FGF14: variants seen among roughly 807,000 people sequenced by gnomAD.
FGF14 encodes the protein fibroblast growth factor 14.
A neutral mutation model predicts 25.5 loss-of-function variants in FGF14; 5 were observed. That is an observed-to-expected ratio of 0.20 (90% CI 0.10 to 0.41). The LOEUF is 0.41. FGF14 is among the 10% of genes least tolerant of loss of function. The pLI is 1.00. For missense variants in FGF14, 222 were observed against 320.1 expected (o/e 0.69, Z 2.34); for synonymous variants, 138 against 118.3 (o/e 1.17, Z -1.08).
intron 1 of FGF14, among the ~76,000 whole-genome samples, chr13:101,970,376 T>C (rs2037519268): frequency 1.3e-5 from 2 of 152,380 alleles, no homozygotes; most frequent in South Asian, 4.1e-4. Context: ...TTTGAGATTC[T>C]CTTGTAATTT....
chr13:102,073,108 C>T (rs770402594), intron 1 of FGF14, among the ~76,000 whole-genome samples: 9 of 151,992 alleles, frequency 5.9e-5, no homozygotes, highest in Non-Finnish European at 1.0e-4. Context: ...AAAAATTAGC[C>T]GGGTGTGGTG....
chr13:102,123,171 A>T (rs2045805957), intron 1 of FGF14, among the ~76,000 whole-genome samples: 1 of 152,144 alleles, frequency 6.6e-6, no homozygotes, highest in African/African-American at 2.4e-5. Context: ...TACCAAAACC[A>T]AATCACAGAA....
intron 1 of FGF14, among the ~76,000 whole-genome samples, chr13:102,310,347 T>C (rs1049171765): frequency 2.6e-5 from 4 of 152,106 alleles, no homozygotes; most frequent in Non-Finnish European, 5.9e-5. Context: ...TTTGTTTGGA[T>C]CACCAACTAT....
chr13:102,150,059 T>C (rs1306497670), intron 1 of FGF14, among the ~76,000 whole-genome samples: 1 of 152,124 alleles, frequency 6.6e-6, no homozygotes, highest in Non-Finnish European at 1.5e-5. Context: ...GAGGGGAAAA[T>C]GCTACCCCAG....
rs1037943806 is a variant in FGF14, at chr13:101,950,756, T to G, written c.209-75460A>C. ...TAAACAGAAAACCTAATCATGTTTT[T>G]TTTTTTTTTTTTTTGTCTTTAAGGA... On this transcript the variant is annotated intron_variant, in intron 1 of 4. Transcript: ENST00000376131. Among the ~76,000 whole-genome samples, 32 of 133,792 alleles carry G rather than the reference T, an allele frequency of 2.4e-4. No individual in the cohort carries two copies. In the South Asian group the frequency reaches 6.7e-3, roughly 28 times the overall value. 87.8% of individuals were successfully genotyped at this position (133,792 alleles called of 152,430 possible).
intron 1 of FGF14, among the ~76,000 whole-genome samples, chr13:102,125,168 T>C (rs1425232327): frequency 6.6e-6 from 1 of 152,156 alleles, no homozygotes; most frequent in Non-Finnish European, 1.5e-5. Context: ...CTTGATCAAC[T>C]TTTCCCATAT....
At chr13:101,940,023 T>C (rs2035342810) in intron 1 of FGF14, among the ~76,000 whole-genome samples, 1 of 152,206 alleles carries the variant, frequency 6.6e-6, no homozygotes, top group African/African-American at 2.4e-5. Flanking sequence ...TGCAGAATCC[T>C]TTGCTTCTCT....
intron 1 of FGF14, among the ~76,000 whole-genome samples, chr13:101,910,354 T>G (rs1452074802): frequency 6.6e-6 from 1 of 152,226 alleles, no homozygotes; most frequent in Non-Finnish European, 1.5e-5. Flanking sequence ...ATGCTTCTGC[T>G]GCATATATGT....
chr13:102,082,156 C>A lies in FGF14; in HGVS notation c.209-206860G>T, dbSNP rs148688229. ...ATAAAAAAAGACTACCACATTTTGT[C>A]AACAGCACTCTAAAGAGGTCCTGAT... On this transcript the variant is annotated intron_variant, in intron 1 of 4. Coordinates refer to the FGF14 transcript ENST00000376131. Among the ~76,000 whole-genome samples the A allele has an allele frequency of 2.4e-3, 366 of 150,156 alleles. 2 individuals carry two copies. The highest frequency in any genetic ancestry group is 8.5e-3 in the African/African-American group (347 of 40,804).
chr13:101,831,858 C>T (rs186225964), intron 3 of FGF14, among the ~76,000 whole-genome samples: 117 of 152,116 alleles, frequency 7.7e-4, no homozygotes, highest in Admixed American at 2.2e-3. Context: ...AAACAGAGAG[C>T]ATGTCAGTGC....
At chr13:102,273,121 A>G (rs1271841472) in intron 1 of FGF14, among the ~76,000 whole-genome samples, 1 of 152,210 alleles carries the variant, frequency 6.6e-6, no homozygotes, top group African/African-American at 2.4e-5. Context: ...TGAAGGGAAT[A>G]TAAGGGACAT....
intron 1 of FGF14, among the ~76,000 whole-genome samples, chr13:101,899,471 T>C (rs538352725): frequency 6.6e-6 from 1 of 151,840 alleles, no homozygotes; most frequent in Non-Finnish European, 1.5e-5. Flanking sequence ...AATATAATAC[T>C]GGAAAGGTAA....
chr13:102,340,656 A>C (rs1004105423), intron 1 of FGF14, among the ~76,000 whole-genome samples: 1 of 152,204 alleles, frequency 6.6e-6, no homozygotes, highest in African/African-American at 2.4e-5. Context: ...TATGAAAAGA[A>C]ATAGAGAAAG....
intron 1 of FGF14, among the ~76,000 whole-genome samples, chr13:102,378,645 A>C (rs185911946): frequency 2.3e-4 from 34 of 150,458 alleles, no homozygotes; most frequent in East Asian, 3.9e-4. Context: ...ATATATATAT[A>C]TCTTCTCTTT....
intron 1 of FGF14, among the ~76,000 whole-genome samples, chr13:102,294,285 C>T (rs1051489425): frequency 2.0e-5 from 3 of 151,742 alleles, no homozygotes; most frequent in South Asian, 4.2e-4. Context: ...AAATAACAGG[C>T]CTTTTCTCCA....
chr13:102,369,803 G>T (rs1012923133), intron 1 of FGF14, among the ~76,000 whole-genome samples: 2 of 152,146 alleles, frequency 1.3e-5, no homozygotes, highest in African/African-American at 4.8e-5. Context: ...ACATTGTGTT[G>T]TATATAAGGT....
rs149215718 is a variant in FGF14 at position 102,017,911 on chromosome 13, A to G, written c.209-142615T>C. Among the ~76,000 whole-genome samples, 399 of 152,184 alleles carry G rather than the reference A, an allele frequency of 2.6e-3. 2 individuals carry two copies. Among genetic ancestry groups the G allele is most frequent in the African/African-American group, 9.1e-3 (378 of 41,526 alleles). ...GTCCATTCCGCTACTCAGATCATCT[A>G]CTGAATTTTTAATTTCCAACACTCC... On this transcript the variant is annotated intron_variant, in intron 1 of 4. Transcript: ENST00000376131.
At chr13:101,957,612 A>G (rs948846556) in intron 1 of FGF14, among the ~76,000 whole-genome samples, 8 of 152,200 alleles carry the variant, frequency 5.3e-5, no homozygotes, top group Non-Finnish European at 1.0e-4. Flanking sequence ...ACTCATATGC[A>G]TATTAGTATT....
At chr13:102,336,281 T>G (rs2056785254) in intron 1 of FGF14, among the ~76,000 whole-genome samples, 1 of 152,148 alleles carries the variant, frequency 6.6e-6, no homozygotes, top group Non-Finnish European at 1.5e-5. Flanking sequence ...GATAAGAAAG[T>G]GAGACCGCCT....
Sources: gnomAD v4.1 joint callset for allele counts (sites outside exome capture counted in the v4.1 genomes callset) on GRCh38, gnomAD v4.1.1 for gene constraint, MANE v1.5 for transcripts, NCBI Gene and HGNC (gene_info 2026-07-23, HGNC 2026-07-21) for gene names.